RBPJ: variants seen among roughly 807,000 people sequenced by gnomAD.
The protein encoded by RBPJ is recombining binding protein suppressor of hairless.
In RBPJ, 9 loss-of-function variants were observed where a neutral mutation model predicts 67.8. That is an observed-to-expected ratio of 0.13 (90% CI 0.08 to 0.23). The LOEUF is 0.23. RBPJ is among the 10% of genes least tolerant of loss of function. The probability of loss-of-function intolerance (pLI) is 1.00; values close to 1 mark genes in which losing one functional copy is unlikely to be tolerated. For synonymous variants in RBPJ, 198 were observed against 203.3 expected, an observed-to-expected ratio of 0.97 and a Z score of 0.22; for missense variants, 305 against 595.6, an observed-to-expected ratio of 0.51 and a Z score of 5.08.
At chr4:26,174,122 G>A (rs556973056) in intron 1 of RBPJ, among the ~76,000 whole-genome samples, 6 of 152,174 alleles carry the variant, frequency 3.9e-5, no homozygotes, top group East Asian at 3.9e-4. Context: ...TTGGCAAGCC[G>A]TGGTATCAAC....
intron 1 of RBPJ, among the ~76,000 whole-genome samples, chr4:26,302,673 G>A (rs908736405): frequency 2.6e-5 from 4 of 152,164 alleles, no homozygotes; most frequent in African/African-American, 9.7e-5. Flanking sequence ...GTGAGTATGA[G>A]CTAGGGAAAG....
Position 26,282,136 on chromosome 4 carries a change from C to CT in RBPJ, c.-166-80290dup, listed in dbSNP as rs869155604. Among the ~76,000 whole-genome samples the CT allele has an allele frequency of 4.0e-3, 205 of 51,842 alleles. 2 individuals are homozygous for CT. Among genetic ancestry groups the CT allele is most frequent in the Middle Eastern group, 0.011 (1 of 92 alleles). 34.0% of individuals were successfully genotyped at this position (51,842 alleles called of 152,430 possible). On this transcript the variant is annotated intron_variant, in intron 1 of 4. Coordinates refer to the RBPJ transcript ENST00000512351. ...TTCATTCGTAATCCTCTCTCTCTCT[C>CT]TTTTTTTTTTTTTTTTTTTTGCTAA...
chr4:26,144,328 T>C, the RBPJ span, among the ~76,000 whole-genome samples: 2 of 139,636 alleles, frequency 1.4e-5, no homozygotes, highest in Admixed American at 1.6e-4. Flanking sequence ...TGGAGTGCAG[T>C]AGTGCAGTTT....
chr4:26,297,657 A>C (rs114394393), intron 1 of RBPJ, among the ~76,000 whole-genome samples: 1,740 of 152,216 alleles, frequency 0.011, 33 homozygotes, highest in African/African-American at 0.04. Context: ...AAGTTGAAAA[A>C]CTTGAAGTTG....
intron 1 of RBPJ, among the ~76,000 whole-genome samples, chr4:26,271,237 G>A (rs745335485): frequency 6.6e-6 from 1 of 152,122 alleles, no homozygotes; most frequent in Non-Finnish European, 1.5e-5. Flanking sequence ...TCATAGGTAT[G>A]CATGTATAGG....
intron 1 of RBPJ, among the ~76,000 whole-genome samples, chr4:26,386,013 A>G (rs970716408): frequency 6.6e-6 from 1 of 152,154 alleles, no homozygotes; most frequent in African/African-American, 2.4e-5. Flanking sequence ...TAACGAATGT[A>G]TAGCATAGTG....
intron 1 of RBPJ, among the ~76,000 whole-genome samples, chr4:26,232,689 A>G (rs572089483): frequency 6.6e-6 from 1 of 152,332 alleles, no homozygotes; most frequent in Admixed American, 6.5e-5. Context: ...AGCACTTACT[A>G]TGTGCTTTAT....
rs374652751 is a variant in RBPJ, at chr4:26,424,689, T to C, written c.693T>C (p.Tyr231=). 77 of 1,614,002 alleles carry C rather than the reference T, an allele frequency of 4.8e-5. No individual in the cohort carries two copies. In the Middle Eastern group the frequency reaches 5.0e-4, roughly 10 times the overall value. Residue 231 remains tyrosine, a synonymous_variant, in exon 7 of 11, where the codon TAT becomes TAC. Coordinates refer to ENST00000355476, the MANE Select transcript of RBPJ (RefSeq NM_015874.6). This position sits in a 1 kb window ranked among gnomAD's most constrained non-coding sequence, Gnocchi z 5.3. ...EFTVRDGYIH[Y]GQTVKLVCSV... ...CAGTCCGAGATGGCTACATCCATTA[T>C]GGACAAACAGTCAAACTTGTGTGCT...
At chr4:26,263,988 T>G (rs1208769904) in intron 1 of RBPJ, among the ~76,000 whole-genome samples, 1 of 151,178 alleles carries the variant, frequency 6.6e-6, no homozygotes, top group Non-Finnish European at 1.5e-5. Flanking sequence ...GATTCTCCTG[T>G]CTCAGCCTCC....
At chr4:26,151,414 A>G in the RBPJ span, among the ~76,000 whole-genome samples, 1 of 152,172 alleles carries the variant, frequency 6.6e-6, no homozygotes, top group Non-Finnish European at 1.5e-5. Flanking sequence ...AACTCCTTCC[A>G]TATTTACTAC....
At chr4:26,344,972 T>C (rs1474216350) in intron 1 of RBPJ, among the ~76,000 whole-genome samples, 1 of 152,270 alleles carries the variant, frequency 6.6e-6, no homozygotes, top group Non-Finnish European at 1.5e-5. Context: ...GCTGCTGCTT[T>C]ATTTTTAAAC....
intron 1 of RBPJ, among the ~76,000 whole-genome samples, chr4:26,370,941 G>T (rs955357538): frequency 4.6e-5 from 7 of 152,044 alleles, no homozygotes; most frequent in Non-Finnish European, 7.4e-5. Flanking sequence ...TTAGCCGGGC[G>T]TGGTGGCGGA....
chr4:26,317,876 TTACCATGGCTTCCCA>T (rs1722708354), upstream of RBPJ, among the ~76,000 whole-genome samples: 1 of 152,110 alleles, frequency 6.6e-6, no homozygotes. Flanking sequence ...CCCTTTGTGG[TTACCATGGCTTCCCA>T]AGGTCGCTGG....
At chr4:26,114,098 A>G in the RBPJ span, among the ~76,000 whole-genome samples, 2,328 of 152,320 alleles carry the variant, frequency 0.015, 37 homozygotes, top group Non-Finnish European at 0.027. Context: ...AATATAATGG[A>G]CAATATTCAT....
At chr4:26,242,462 GAAAAGAAAAGAAA>G (rs1380854132) in intron 1 of RBPJ, among the ~76,000 whole-genome samples, 18 of 142,364 alleles carry the variant, frequency 1.3e-4, no homozygotes, top group Admixed American at 1.1e-3. Context: ...AAAAAAAAAA[GAAAAGAAAAGAAA>G]AAAAGAAAAG....
chr4:26,329,906 A>T (rs78627083), intron 1 of RBPJ, among the ~76,000 whole-genome samples: 1 of 152,026 alleles, frequency 6.6e-6, no homozygotes, highest in Non-Finnish European at 1.5e-5. Context: ...AAAAAAAAAA[A>T]AGAAAATGCC....
At chr4:26,379,979 A>G (rs1268140698) in intron 1 of RBPJ, among the ~76,000 whole-genome samples, 1 of 152,170 alleles carries the variant, frequency 6.6e-6, no homozygotes, top group Non-Finnish European at 1.5e-5. Context: ...GCCAAGGACA[A>G]CTGGTTATAC....
rs182568174 is a variant in RBPJ, at chr4:26,404,093, T to C, written c.60-2082T>C. 1.6e-3 allele frequency among the ~76,000 whole-genome samples: 245 copies of C among 152,328 alleles called. 1 individual carries two copies. The highest frequency in any genetic ancestry group is 5.7e-3 in the African/African-American group (235 of 41,576). On this transcript the variant is annotated intron_variant, in intron 2 of 10. Coordinates refer to ENST00000355476, the MANE Select transcript of RBPJ (RefSeq NM_015874.6). ...CTGACTAGTGTGAGATGGTGTCTCA[T>C]TGTGATTTTGATTTGCATTTCTCTA...
the RBPJ span, among the ~76,000 whole-genome samples, chr4:26,129,851 G>A: frequency 6.6e-6 from 1 of 151,884 alleles, no homozygotes; most frequent in Non-Finnish European, 1.5e-5. Flanking sequence ...ATGGCAGAGA[G>A]ATTAATTTAT....
Sources: allele counts gnomAD v4.1 joint callset (sites outside exome capture counted in the v4.1 genomes callset), GRCh38; gene constraint gnomAD v4.1.1; non-coding constraint Gnocchi (gnomAD v3.1); transcripts MANE v1.5; gene names NCBI Gene and HGNC (gene_info 2026-07-23, HGNC 2026-07-21).